Variants in AFDN observed in about 807,000 individuals in gnomAD.
AFDN encodes the protein afadin.
In AFDN, 68 loss-of-function variants were observed where a neutral mutation model predicts 216.6. That is an observed-to-expected ratio of 0.31 (90% CI 0.26 to 0.38). AFDN has a LOEUF of 0.38. Ranked by LOEUF, AFDN falls within the 10% of genes least tolerant of loss-of-function variation. AFDN has a pLI of 1.00. For synonymous variants in AFDN, 868 were observed against 853.7 expected (o/e 1.02, Z -0.29); for missense variants, 2,136 against 2,342.0 (o/e 0.91, Z 1.82).
intron 25 of AFDN, 22 bp from the exon 26 acceptor site, chr6:167,943,919 A>G (rs781211345): frequency 6.9e-6 from 11 of 1,604,010 alleles, no homozygotes; most frequent in African/African-American, 1.3e-5. Flanking sequence ...TCTTTCTTAC[A>G]TGTGTAATCT....
At chr6:167,859,647 T>TG (rs1281822173) in intron 1 of AFDN, among the ~76,000 whole-genome samples, 3 of 152,228 alleles carry the variant, frequency 2.0e-5, no homozygotes, top group Non-Finnish European at 4.4e-5. Flanking sequence ...TCTGCTGGCT[T>TG]GGAGAATACA....
intron 13 of AFDN, 40 bp from the exon 14 acceptor site, chr6:167,911,061 T>G: frequency 6.4e-7 from 1 of 1,564,190 alleles, no homozygotes; most frequent in East Asian, 2.2e-5. Context: ...TTGTTAGCCA[T>G]GTGACCTTAT....
chr6:167,893,724 T>C (rs1309745355), intron 8 of AFDN, 138 bp from the exon 9 acceptor site: 6 of 689,954 alleles, frequency 8.7e-6, no homozygotes, highest in Non-Finnish European at 1.6e-5. Flanking sequence ...AAGTGTACCT[T>C]TTCTTCCTTT....
intron 21 of AFDN, among the ~76,000 whole-genome samples, chr6:167,920,644 A>C (rs560135311): frequency 6.6e-6 from 1 of 152,240 alleles, no homozygotes; most frequent in South Asian, 2.1e-4. Flanking sequence ...TTCCTCTGTC[A>C]TGTGTGGGAT....
chr6:167,953,370 CTG>C (rs1029407187), intron 30 of AFDN, among the ~76,000 whole-genome samples: 3 of 152,098 alleles, frequency 2.0e-5, no homozygotes, highest in African/African-American at 7.2e-5. Flanking sequence ...TCGATTTGCT[CTG>C]TGAATTTTTC....
intron 1 of AFDN, among the ~76,000 whole-genome samples, chr6:167,861,577 T>G (rs1291866256): frequency 2.0e-5 from 3 of 152,206 alleles, no homozygotes; most frequent in Non-Finnish European, 4.4e-5. Flanking sequence ...TTTTTTACAG[T>G]GAAGGGCAGT....
chr6:167,966,886 T>A (rs1797622723), intron 32 of AFDN, among the ~76,000 whole-genome samples: 1 of 152,182 alleles, frequency 6.6e-6, no homozygotes, highest in Admixed American at 6.5e-5. Context: ...TCTCATCCCC[T>A]TTTCCTCTAA....
intron 8 of AFDN, among the ~76,000 whole-genome samples, chr6:167,892,812 AT>A (rs1449523763): frequency 6.6e-6 from 1 of 151,596 alleles, no homozygotes; most frequent in Admixed American, 6.6e-5. Context: ...AATACATAGA[AT>A]TTTTTTTTGT....
intron 31 of AFDN, chr6:167,964,569 A>G (rs1165194836): frequency 1.9e-6 from 2 of 1,064,376 alleles, no homozygotes; most frequent in Non-Finnish European, 2.3e-6. Flanking sequence ...TATTCTTAAG[A>G]GTTTTCTCCC....
intron 33 of AFDN, 90 bp downstream of exon 33, chr6:167,969,288 T>G: frequency 1.0e-6 from 1 of 963,856 alleles, no homozygotes. Context: ...GTAAACAGAC[T>G]TCATGGCTTC....
chr6:167,841,011 T>G (rs967659484), intron 1 of AFDN, among the ~76,000 whole-genome samples: 31 of 152,260 alleles, frequency 2.0e-4, no homozygotes, highest in African/African-American at 6.5e-4. Flanking sequence ...CTTCCTGCGC[T>G]TGTGTCTGTG....
chr6:167,894,109 G>T (rs2128358499), intron 9 of AFDN, among the ~76,000 whole-genome samples: 1 of 152,198 alleles, frequency 6.6e-6, no homozygotes, highest in African/African-American at 2.4e-5. Context: ...CTGGAAGCTT[G>T]TTTTGTGTCT....
At chr6:167,944,987 A>G (rs958643015) in intron 26 of AFDN, among the ~76,000 whole-genome samples, 4 of 151,974 alleles carry the variant, frequency 2.6e-5, no homozygotes, top group Non-Finnish European at 4.4e-5. Context: ...ATATATATAT[A>G]TATTTCTTTA....
At chr6:167,965,280 AAG>A (rs1298633848) in intron 31 of AFDN, among the ~76,000 whole-genome samples, 2 of 152,186 alleles carry the variant, frequency 1.3e-5, no homozygotes, top group African/African-American at 2.4e-5. Context: ...CTCAGTGAAA[AAG>A]AGTGCAAGTT....
chr6:167,838,253 A>G (rs1780664600), intron 1 of AFDN, among the ~76,000 whole-genome samples: 1 of 152,212 alleles, frequency 6.6e-6, no homozygotes, highest in Admixed American at 6.5e-5. Flanking sequence ...CCCAAGGTTC[A>G]GATGCCTTTT....
At chr6:167,854,667 A>C (rs1261575212) in intron 1 of AFDN, among the ~76,000 whole-genome samples, 2 of 151,692 alleles carry the variant, frequency 1.3e-5, no homozygotes, top group African/African-American at 4.8e-5. Flanking sequence ...CAACACATTT[A>C]TGAAGAACTT....
chr6:167,827,425 C>T (rs1779258699), intron 1 of AFDN, among the ~76,000 whole-genome samples, 188 bp downstream of exon 1: 2 of 145,398 alleles, frequency 1.4e-5, no homozygotes, highest in African/African-American at 2.5e-5. Context: ...CCCCCGTCCC[C>T]CTGCCGCGGT....
At chr6:167,952,328 T>G (rs2128692820) in intron 30 of AFDN, 141 bp downstream of exon 30, 1 of 1,517,466 alleles carries the variant, frequency 6.6e-7, no homozygotes, top group East Asian at 2.3e-5. Context: ...TTGTATGTGT[T>G]ACTCTTGGCT....
At chr6:167,887,985 G>A (rs111825636) in intron 6 of AFDN, among the ~76,000 whole-genome samples, 4 of 152,270 alleles carry the variant, frequency 2.6e-5, no homozygotes, top group African/African-American at 9.6e-5. Flanking sequence ...TTGTACTTAA[G>A]CTGAAGGATG....
Sources: allele counts gnomAD v4.1 joint callset (sites outside exome capture counted in the v4.1 genomes callset), GRCh38; gene constraint gnomAD v4.1.1; transcripts MANE v1.5; gene names NCBI Gene and HGNC (gene_info 2026-07-23, HGNC 2026-07-21).